SLC4A4: variants seen among roughly 807,000 people sequenced by gnomAD.
The protein encoded by SLC4A4 is solute carrier family 4 member 4, also known as electrogenic sodium bicarbonate cotransporter 1.
Under a neutral mutation model 111.5 loss-of-function variants are expected in SLC4A4, and 27 were observed. The observed-to-expected ratio is 0.24, with a 90% confidence interval of 0.18 to 0.33. The LOEUF (loss-of-function observed/expected upper bound fraction) is 0.33, where lower values mean the gene tolerates loss of function less well. Among genes scored for constraint, SLC4A4 ranks in the 10% least tolerant of loss-of-function variants. The pLI, the probability that SLC4A4 is intolerant of heterozygous loss-of-function variation, is 1.00. For synonymous variants in SLC4A4, 443 were observed against 463.4 expected, an observed-to-expected ratio of 0.96 and a Z score of 0.57; for missense variants, 909 against 1,315.5, an observed-to-expected ratio of 0.69 and a Z score of 4.78.
intron 3 of SLC4A4, among the ~76,000 whole-genome samples, chr4:71,277,192 G>A (rs1723132837): frequency 6.6e-6 from 1 of 152,060 alleles, no homozygotes; most frequent in African/African-American, 2.4e-5. Flanking sequence ...TGGTGAATGG[G>A]TGTTTTATTT....
At chr4:71,365,526 G>T (rs1731163308) in intron 6 of SLC4A4, among the ~76,000 whole-genome samples, 1 of 152,154 alleles carries the variant, frequency 6.6e-6, no homozygotes, top group Admixed American at 6.5e-5. Flanking sequence ...AGCACCATGG[G>T]TTCATTTAAA....
chr4:71,480,020 CTTTTT>C (rs34425929), intron 14 of SLC4A4, among the ~76,000 whole-genome samples: 15 of 127,396 alleles, frequency 1.2e-4, no homozygotes, highest in Admixed American at 1.6e-4. Flanking sequence ...ATATGCCCAT[CTTTTT>C]TTTTTTTTTT....
intron 22 of SLC4A4, among the ~76,000 whole-genome samples, chr4:71,559,875 G>A (rs1381547695): frequency 1.3e-5 from 2 of 151,808 alleles, no homozygotes. Context: ...ACAAAACAAA[G>A]TGAGTTTCAA....
chr4:71,397,707 A>T (rs767348468), intron 7 of SLC4A4, 54 bp downstream of exon 7: 13 of 1,461,970 alleles, frequency 8.9e-6, no homozygotes, highest in Non-Finnish European at 1.2e-5. Context: ...TATCTAAAAG[A>T]TGCTGAGAAA....
intron 2 of SLC4A4, among the ~76,000 whole-genome samples, chr4:71,176,337 T>C (rs1347623415): frequency 2.0e-5 from 3 of 152,210 alleles, no homozygotes; most frequent in African/African-American, 7.2e-5. Context: ...GAGAATGACT[T>C]TGACGAGTTG....
chr4:71,080,717 C>G (rs1462683534), intron 1 of SLC4A4, among the ~76,000 whole-genome samples: 1 of 152,040 alleles, frequency 6.6e-6, no homozygotes, highest in Non-Finnish European at 1.5e-5. Context: ...GAGGCTAACT[C>G]TGGTGACTGT....
At chr4:71,128,044 C>T (rs909229325) in intron 2 of SLC4A4, among the ~76,000 whole-genome samples, 1 of 152,196 alleles carries the variant, frequency 6.6e-6, no homozygotes, top group South Asian at 2.1e-4. Flanking sequence ...TGTCATCGTG[C>T]CACTACACTC....
At chr4:71,459,952 A>G (rs1189698091) in intron 12 of SLC4A4, among the ~76,000 whole-genome samples, 1 of 151,408 alleles carries the variant, frequency 6.6e-6, no homozygotes, top group Non-Finnish European at 1.5e-5. Flanking sequence ...ATTTTTATTG[A>G]TTGTCTATAC....
At chr4:71,328,105 C>T (rs1727645923) in intron 3 of SLC4A4, among the ~76,000 whole-genome samples, 1 of 151,996 alleles carries the variant, frequency 6.6e-6, no homozygotes, top group Admixed American at 6.6e-5. Flanking sequence ...GCTTATTTCA[C>T]TTAACAAAAT....
At chr4:71,433,191 T>C (rs1723803381) in intron 7 of SLC4A4, among the ~76,000 whole-genome samples, 1 of 151,720 alleles carries the variant, frequency 6.6e-6, no homozygotes, top group South Asian at 2.1e-4. Flanking sequence ...ATTAGCTTAC[T>C]AGTATTTCAC....
chr4:71,536,480 A>ATATATATATATATATATATG (rs1488334818), intron 18 of SLC4A4, among the ~76,000 whole-genome samples: 1 of 99,132 alleles, frequency 1.0e-5, no homozygotes, highest in Non-Finnish European at 2.1e-5. Flanking sequence ...ATATATATAT[A>ATATATATATATATATATATG]TATATATGTA....
intron 18 of SLC4A4, among the ~76,000 whole-genome samples, chr4:71,536,180 A>C (rs868314352): frequency 2.6e-5 from 4 of 151,782 alleles, no homozygotes; most frequent in Non-Finnish European, 5.9e-5. Flanking sequence ...TTAAATGGTT[A>C]TATCTGCAAC....
Position 71,411,109 on chromosome 4 carries a change from A to G in SLC4A4, c.807+13456A>G, listed in dbSNP as rs543963424. ...GATAAAGCCCAGAATCCTTGGCATGACCTTCCAAGACCTGCGTTATCCTGC... is the reference window on the plus strand; with the variant it reads ...GATAAAGCCCAGAATCCTTGGCATGGCCTTCCAAGACCTGCGTTATCCTGC... On this transcript the variant is annotated intron_variant, in intron 7 of 25. Coordinates refer to ENST00000264485, the MANE Select transcript of SLC4A4 (RefSeq NM_001098484.3). 2.3e-4 allele frequency among the ~76,000 whole-genome samples: 35 copies of G among 152,268 alleles called. No individual in the cohort carries two copies. In the South Asian group the frequency reaches 7.3e-3, roughly 32 times the overall value.
chr4:71,290,824 A>T (rs906388930), intron 3 of SLC4A4, among the ~76,000 whole-genome samples: 2 of 152,218 alleles, frequency 1.3e-5, no homozygotes, highest in Non-Finnish European at 2.9e-5. Flanking sequence ...GGCTCTGGGA[A>T]AAATCTTTGG....
At chr4:71,326,761 A>T (rs1578842764) in intron 3 of SLC4A4, among the ~76,000 whole-genome samples, 1 of 152,166 alleles carries the variant, frequency 6.6e-6, no homozygotes, top group Non-Finnish European at 1.5e-5. Flanking sequence ...GTAAAGCATG[A>T]CATAGGTATA....
At chr4:71,311,292 G>C (rs569172018) in intron 3 of SLC4A4, among the ~76,000 whole-genome samples, 2 of 152,198 alleles carry the variant, frequency 1.3e-5, no homozygotes, top group South Asian at 4.2e-4. Context: ...CAACGAGACA[G>C]AAAATTAACA....
At chr4:71,516,253 G>A (rs549085926) in intron 16 of SLC4A4, among the ~76,000 whole-genome samples, 34 of 151,184 alleles carry the variant, frequency 2.2e-4, no homozygotes, top group Non-Finnish European at 4.6e-4. Flanking sequence ...CCGCCACCAC[G>A]CCCGGCTAAT....
At chr4:71,321,684 G>A (rs1727133749) in intron 3 of SLC4A4, among the ~76,000 whole-genome samples, 1 of 151,882 alleles carries the variant, frequency 6.6e-6, no homozygotes, top group Admixed American at 6.6e-5. Flanking sequence ...GGGCAAAGAA[G>A]GCAAAAGAGA....
At chr4:71,193,253 A>G (rs778904269) in intron 1 of SLC4A4, among the ~76,000 whole-genome samples, 28 of 152,072 alleles carry the variant, frequency 1.8e-4, no homozygotes, top group Non-Finnish European at 2.4e-4. Context: ...TCCGCCTCCC[A>G]GGTTCACGCC....
Sources: gnomAD v4.1 joint callset for allele counts (sites outside exome capture counted in the v4.1 genomes callset) on GRCh38, gnomAD v4.1.1 for gene constraint, MANE v1.5 for transcripts, NCBI Gene and HGNC (gene_info 2026-07-23, HGNC 2026-07-21) for gene names.